The following CCNK variants were observed in gnomAD, a reference collection of about 807,000 sequenced individuals.
CCNK encodes the protein cyclin K, also known as cyclin-K.
A neutral mutation model predicts 65.0 loss-of-function variants in CCNK; 9 were observed. That is an observed-to-expected ratio of 0.14 (90% CI 0.08 to 0.24). CCNK has a LOEUF of 0.24. Among genes scored for constraint, CCNK ranks in the 10% least tolerant of loss-of-function variants. CCNK has a pLI of 1.00. For synonymous variants in CCNK, 279 were observed against 270.8 expected, an observed-to-expected ratio of 1.03 and a Z score of -0.30; for missense variants, 474 against 720.0, an observed-to-expected ratio of 0.66 and a Z score of 3.91.
In CCNK at chr14:99,492,362, G is replaced by T. The variant is rs1595307777; in HGVS notation, c.-52-264G>T. The T allele has an allele frequency of 1.6e-5, 4 of 253,832 alleles. No individual in the cohort carries two copies. The East Asian group carries it at 4.0e-4, about 25-fold the overall frequency. 15.7% of individuals were successfully genotyped at this position (253,832 alleles called of 1,614,324 possible). ...TTCTTCCAAAACTTTGTCAAATAAG[G>T]TTAACCCTTTAATCTCAAGAGAGAG... On this transcript the variant is annotated intron_variant, in intron 1 of 10. Coordinates refer to ENST00000389879, the MANE Select transcript of CCNK (RefSeq NM_001099402.2).
chr14:99,501,281 G>A (rs1896819148), intron 5 of CCNK, 75 bp from the exon 6 acceptor site: 1 of 983,766 alleles, frequency 1.0e-6, no homozygotes, highest in Non-Finnish European at 1.6e-6. Context: ...CACGTGGTAG[G>A]TTTTTAATAA....
chr14:99,500,568 C>T (rs1896800123), intron 4 of CCNK, 198 bp from the exon 5 acceptor site: 4 of 546,594 alleles, frequency 7.3e-6, no homozygotes, highest in Non-Finnish European at 9.7e-6. Flanking sequence ...TCTGCTTTGT[C>T]TTCCTGTTTG....
rs1385735105 is a variant in CCNK, at chr14:99,502,784, C to A, written c.811C>A (p.His271Asn). 2.5e-6 allele frequency: 4 copies of A among 1,613,744 alleles called. No homozygotes were observed. The highest frequency in any genetic ancestry group is 3.4e-6 in the Non-Finnish European group (4 of 1,179,820). Residue 271 changes from histidine (H) to asparagine (N), a missense_variant, in exon 8 of 11, where the codon CAT (histidine) becomes AAT (asparagine). By Grantham distance (68) the His-to-Asn change is moderately conservative (BLOSUM62 1). Coordinates refer to ENST00000389879, the MANE Select transcript of CCNK (RefSeq NM_001099402.2). ...ACAACAGATGCCTCATCACACCCCC[C>A]ATCAGCTGCAACAGCCCCCATCTCT... ...GKQQMPHHTPHQLQQPPSLQP... is the reference protein window; with the variant it reads ...GKQQMPHHTPNQLQQPPSLQP...
At chr14:99,505,581 T>G (rs1896953807) in intron 9 of CCNK, 1 of 152,238 alleles carries the variant, frequency 6.6e-6, no homozygotes. Flanking sequence ...CTTTTTCTTG[T>G]TAAAGTGGTT....
chr14:99,510,153 G>A lies in CCNK; in HGVS notation c.1118-4G>A. ...CCGGGCACTGATGCGTCTCTCTCCT[G>A]CAGACCGGAAGCCTCCCCTCGCTGC... is the stretch of plus-strand genomic sequence containing the variant. On this transcript the variant is annotated splice_polypyrimidine_tract_variant and splice_region_variant and intron_variant, in intron 10 of 10. Transcript: ENST00000389879. 3.1e-6 allele frequency: 5 copies of A among 1,593,718 alleles called. No individual in the cohort carries two copies. Among genetic ancestry groups the A allele is most frequent in the Non-Finnish European group, 2.6e-6 (3 of 1,173,938 alleles).
intron 2 of CCNK, 76 bp from the exon 3 acceptor site, chr14:99,493,438 C>G (rs912240366): frequency 4.7e-6 from 4 of 847,912 alleles, no homozygotes; most frequent in Non-Finnish European, 7.5e-6. Flanking sequence ...TGTTGTTTGT[C>G]TTTTTGTTTT....
At chr14:99,503,214 G>T in intron 8 of CCNK, 1 of 685,256 alleles carries the variant, frequency 1.5e-6, no homozygotes, top group East Asian at 2.7e-5. Flanking sequence ...CAGCCCTGCT[G>T]CCTGTTTCAT....
chr14:99,497,053 A>G (rs1235023043), intron 4 of CCNK, among the ~76,000 whole-genome samples: 1 of 140,092 alleles, frequency 7.1e-6, no homozygotes, highest in East Asian at 2.2e-4. Flanking sequence ...CCCCCCGACC[A>G]AAGTGGTACA....
In CCNK at chr14:99,511,272, T is replaced by C. The variant is rs1265819233; in HGVS notation, c.*490T>C. 3 of 152,210 alleles carry C rather than the reference T, an allele frequency of 2.0e-5. No individual in the cohort carries two copies. Among genetic ancestry groups the C allele is most frequent in the Non-Finnish European group, 2.9e-5 (2 of 68,138 alleles). The allele number at this position is 152,210 out of a possible 1,614,324, so 9.4% of individuals were successfully genotyped here. On this transcript the variant is annotated 3_prime_UTR_variant, in exon 11 of 11. Transcript: ENST00000389879. Reference sequence around the variant, plus strand: ...GAACCACATTTTTCATTTATAGATGTTTGCATCCTTTGTATTAAAATTATT... The same window carrying C: ...GAACCACATTTTTCATTTATAGATGCTTGCATCCTTTGTATTAAAATTATT...
rs1166570123 is a variant in CCNK at position 99,511,562 on chromosome 14, G to A, written c.*780G>A. 6.6e-6 allele frequency: 1 copy of A among 152,478 alleles called. No homozygotes were observed. The highest frequency in any genetic ancestry group is 2.4e-5 in the African/African-American group (1 of 41,450). The allele number at this position is 152,478 out of a possible 1,614,324, so 9.4% of individuals were successfully genotyped here. ...GAAGGTGGGGCTCCAGGCCTTCGCA[G>A]TCTGTGGCTTATAAAATGTGCAGAG... On this transcript the variant is annotated 3_prime_UTR_variant, in exon 11 of 11. Coordinates refer to ENST00000389879, the MANE Select transcript of CCNK (RefSeq NM_001099402.2).
At chr14:99,507,215 C>CT in intron 10 of CCNK, 68 bp downstream of exon 10, 1 of 956,948 alleles carries the variant, frequency 1.0e-6, no homozygotes, top group Non-Finnish European at 1.7e-6. Flanking sequence ...GCAGCAGGTC[C>CT]TGGGAACTTA....
chr14:99,495,683 T>G, intron 4 of CCNK, 54 bp downstream of exon 4: 1 of 1,504,240 alleles, frequency 6.6e-7, no homozygotes. Context: ...ATGGTAGTAT[T>G]GTACAGTTCC....
chr14:99,507,220 A>G (rs1476616680), intron 10 of CCNK, 73 bp downstream of exon 10: 1 of 932,052 alleles, frequency 1.1e-6, no homozygotes. Flanking sequence ...AGGTCCTGGG[A>G]ACTTAGAAAA....
chr14:99,495,004 GA>G (rs1896670883), intron 3 of CCNK: 1 of 152,478 alleles, frequency 6.6e-6, no homozygotes, highest in Non-Finnish European at 1.5e-5. Flanking sequence ...CTCAAGCTAT[GA>G]ATTAGGACAT....
chr14:99,502,132 T>C (rs1422902181), intron 6 of CCNK, 75 bp from the exon 7 acceptor site: 17 of 1,430,392 alleles, frequency 1.2e-5, no homozygotes, highest in Admixed American at 8.3e-5. Flanking sequence ...TGGTTAGTTA[T>C]GGCATCTCCA....
At chr14:99,485,389 T>C (rs915447690) in intron 1 of CCNK, among the ~76,000 whole-genome samples, 4 of 152,220 alleles carry the variant, frequency 2.6e-5, no homozygotes, top group Admixed American at 2.0e-4. Flanking sequence ...GGAGGTACTC[T>C]TGAGATTTTT....
chr14:99,501,625 G>T, intron 6 of CCNK: 1 of 528,314 alleles, frequency 1.9e-6, no homozygotes, highest in Non-Finnish European at 3.3e-6. Flanking sequence ...GGTGTTGTGA[G>T]GTGCTGAAAT....
intron 1 of CCNK, among the ~76,000 whole-genome samples, chr14:99,488,590 T>G (rs1369225104): frequency 4.6e-5 from 7 of 152,222 alleles, no homozygotes; most frequent in Admixed American, 2.0e-4. Flanking sequence ...GATATTTATT[T>G]CACATTGCAT....
At chr14:99,487,835 A>G (rs945170328) in intron 1 of CCNK, among the ~76,000 whole-genome samples, 7 of 152,224 alleles carry the variant, frequency 4.6e-5, no homozygotes, top group African/African-American at 7.2e-5. Context: ...TTTGTATGCT[A>G]TAATTCAAAT....
Sources: gnomAD v4.1 joint callset for allele counts (sites outside exome capture counted in the v4.1 genomes callset) on GRCh38, gnomAD v4.1.1 for gene constraint, MANE v1.5 for transcripts, NCBI Gene and HGNC (gene_info 2026-07-23, HGNC 2026-07-21) for gene names.